Variants in LRMDA observed in about 807,000 individuals in gnomAD.
The protein encoded by LRMDA is leucine rich melanocyte differentiation associated, also known as leucine-rich melanocyte differentiation-associated protein.
In LRMDA, 18 loss-of-function variants were observed where a neutral mutation model predicts 29.8. The ratio of observed to expected loss-of-function variants is 0.60; its 90% CI spans 0.42 to 0.90. The LOEUF is 0.90. Ranked by LOEUF, LRMDA falls within the 40% of genes least tolerant of loss-of-function variation. The pLI, the probability that LRMDA is intolerant of heterozygous loss-of-function variation, is 0.00. For missense variants in LRMDA, 273 were observed against 273.9 expected, an observed-to-expected ratio of 1.00 and a Z score of 0.02; for synonymous variants, 125 against 109.4, an observed-to-expected ratio of 1.14 and a Z score of -0.89.
intron 5 of LRMDA, among the ~76,000 whole-genome samples, chr10:76,176,874 T>C (rs917927050): frequency 6.6e-6 from 1 of 152,216 alleles, no homozygotes; most frequent in Non-Finnish European, 1.5e-5. Context: ...ATCAAGGTGA[T>C]GGTAAGACAC....
chr10:76,405,633 G>A (rs556190586), intron 6 of LRMDA, among the ~76,000 whole-genome samples: 1 of 152,286 alleles, frequency 6.6e-6, no homozygotes, highest in South Asian at 2.1e-4. Context: ...CACAACTGAC[G>A]GGATGTGTTT....
At chr10:75,855,950 C>T (rs1844818526) in intron 2 of LRMDA, among the ~76,000 whole-genome samples, 1 of 152,276 alleles carries the variant, frequency 6.6e-6, no homozygotes, top group Admixed American at 6.5e-5. Flanking sequence ...CAGTACCATG[C>T]TGTTTTGGTT....
intron 2 of LRMDA, among the ~76,000 whole-genome samples, chr10:75,515,077 A>G (rs891884384): frequency 6.6e-6 from 1 of 152,374 alleles, no homozygotes. Flanking sequence ...GATACATGCT[A>G]CAGTGTGGAT....
At chr10:75,565,762 T>C (rs996678493) in intron 2 of LRMDA, among the ~76,000 whole-genome samples, 5 of 152,168 alleles carry the variant, frequency 3.3e-5, no homozygotes, top group Admixed American at 6.5e-5. Context: ...CTCTAAATCA[T>C]TGGGGTCATG....
intron 6 of LRMDA, among the ~76,000 whole-genome samples, chr10:76,410,383 G>A (rs1424653310): frequency 4.6e-5 from 6 of 131,350 alleles, no homozygotes; most frequent in African/African-American, 1.2e-4. Flanking sequence ...ACCATGGCTC[G>A]CTGCAGTATC....
At chr10:76,302,366 G>A (rs1050750341) in intron 5 of LRMDA, among the ~76,000 whole-genome samples, 11 of 152,174 alleles carry the variant, frequency 7.2e-5, no homozygotes, top group East Asian at 1.9e-4. Context: ...TCTTCCCTGG[G>A]GGGTGGTAAG....
chr10:75,952,652 G>A (rs995201975), intron 2 of LRMDA, among the ~76,000 whole-genome samples: 3 of 152,140 alleles, frequency 2.0e-5, no homozygotes, highest in Non-Finnish European at 2.9e-5. Flanking sequence ...ATTCTAATGC[G>A]GATGCCATCA....
At chr10:75,573,553 G>A (rs986576714) in intron 2 of LRMDA, among the ~76,000 whole-genome samples, 2 of 151,788 alleles carry the variant, frequency 1.3e-5, no homozygotes, top group Non-Finnish European at 2.9e-5. Flanking sequence ...TCTCCTTTCA[G>A]TTGTATCTTA....
At chr10:75,917,959 G>A (rs1467470153) in intron 2 of LRMDA, among the ~76,000 whole-genome samples, 2 of 111,960 alleles carry the variant, frequency 1.8e-5, no homozygotes, top group Non-Finnish European at 3.3e-5. Context: ...ATGCACATGT[G>A]CGCACACACA....
At chr10:76,118,856 T>C (rs2132122114) in intron 5 of LRMDA, among the ~76,000 whole-genome samples, 1 of 149,138 alleles carries the variant, frequency 6.7e-6, no homozygotes, top group South Asian at 2.1e-4. Context: ...TTTTTTTTTT[T>C]TTTTTTTTTG....
At chr10:75,496,690 A>T (rs1325204887) in intron 2 of LRMDA, among the ~76,000 whole-genome samples, 1 of 152,150 alleles carries the variant, frequency 6.6e-6, no homozygotes, top group African/African-American at 2.4e-5. Flanking sequence ...TCTAAATTGG[A>T]AGCATGAACT....
rs899557940 is a variant in LRMDA at position 76,125,256 on chromosome 10, G to C, written c.516+66473G>C. ...TAACACCTTTTCTGCAGGGGTGGAG[G>C]GCTAGGGGGAAGCTGGGACAGGTGA... On this transcript the variant is annotated intron_variant, in intron 5 of 6. Coordinates refer to ENST00000611255, the MANE Select transcript of LRMDA (RefSeq NM_001305581.2). Among the ~76,000 whole-genome samples the C allele has an allele frequency of 3.3e-5, 5 of 152,142 alleles. No homozygotes were observed. The East Asian group carries it at 9.6e-4, about 29-fold the overall frequency.
intron 2 of LRMDA, among the ~76,000 whole-genome samples, chr10:75,859,040 G>A (rs994443687): frequency 6.6e-6 from 1 of 152,238 alleles, no homozygotes; most frequent in Admixed American, 6.5e-5. Flanking sequence ...GTCAATACAT[G>A]TAAATATACT....
chr10:76,499,032 C>T lies in LRMDA; in HGVS notation c.602-58177C>T, dbSNP rs1376385651. Among the ~76,000 whole-genome samples the T allele has an allele frequency of 2.7e-5, 2 of 73,932 alleles. 1 individual carries two copies. The highest frequency in any genetic ancestry group is 9.0e-5 in the Non-Finnish European group (2 of 22,338). 48.5% of individuals were successfully genotyped at this position (73,932 alleles called of 152,430 possible). A position where few individuals can be genotyped will look rare whatever the true frequency, so the allele number is the denominator to read the frequency against. On this transcript the variant is annotated intron_variant, in intron 6 of 6. Transcript: ENST00000611255. The stretch of plus-strand genomic sequence containing the variant: ...CATGATCATCATCATCATCATTGGC[C>T]GCATTTTTAGAGAATTTGCTATGTA...
chr10:75,832,810 T>G, intron 2 of LRMDA, among the ~76,000 whole-genome samples: 1 of 152,168 alleles, frequency 6.6e-6, no homozygotes, highest in East Asian at 1.9e-4. Flanking sequence ...GCAGAGAAAC[T>G]TCTGTTTTTA....
At chr10:75,789,169 C>T (rs1048759324) in intron 2 of LRMDA, among the ~76,000 whole-genome samples, 1 of 152,218 alleles carries the variant, frequency 6.6e-6, no homozygotes, top group Non-Finnish European at 1.5e-5. Context: ...CTTACTTAAC[C>T]TCTGTAAGTG....
chr10:75,665,526 A>T (rs148957078), intron 2 of LRMDA, among the ~76,000 whole-genome samples: 33 of 152,102 alleles, frequency 2.2e-4, no homozygotes, highest in African/African-American at 7.7e-4. Context: ...AAAGTATAAT[A>T]AAAAAAATGC....
chr10:75,880,973 T>G (rs2132343395), intron 2 of LRMDA, among the ~76,000 whole-genome samples: 1 of 152,216 alleles, frequency 6.6e-6, no homozygotes, highest in East Asian at 1.9e-4. Context: ...ACTCTCCTGT[T>G]TGGGAGGAAT....
At chr10:75,727,342 G>A (rs977666434) in intron 2 of LRMDA, among the ~76,000 whole-genome samples, 4 of 152,154 alleles carry the variant, frequency 2.6e-5, no homozygotes, top group Non-Finnish European at 5.9e-5. Context: ...GCTGACCAGG[G>A]AAGACAAATA....
Sources: gnomAD v4.1 joint callset for allele counts (sites outside exome capture counted in the v4.1 genomes callset) on GRCh38, gnomAD v4.1.1 for gene constraint, MANE v1.5 for transcripts, NCBI Gene and HGNC (gene_info 2026-07-23, HGNC 2026-07-21) for gene names.